Variants in CEP68 observed in about 807,000 individuals in gnomAD.
CEP68 encodes the protein centrosomal protein of 68 kDa.
CEP68 carries 26 observed loss-of-function variants against 55.3 expected under a neutral mutation model. That is an observed-to-expected ratio of 0.47 (90% CI 0.34 to 0.65). CEP68 has a LOEUF of 0.65. Ranked by LOEUF, CEP68 falls within the 30% of genes least tolerant of loss-of-function variation. The probability of loss-of-function intolerance (pLI) is 0.01; values close to 1 mark genes in which losing one functional copy is unlikely to be tolerated. For missense variants in CEP68, 957 were observed against 946.7 expected (o/e 1.01, Z -0.14); for synonymous variants, 402 against 383.2 (o/e 1.05, Z -0.57).
At chr2:65,061,335 C>A (rs1168671040) in intron 1 of CEP68, among the ~76,000 whole-genome samples, 1 of 152,184 alleles carries the variant, frequency 6.6e-6, no homozygotes, top group Non-Finnish European at 1.5e-5. Context: ...CCACAGCCCT[C>A]CCTACCGCAT....
intron 4 of CEP68, among the ~76,000 whole-genome samples, chr2:65,076,151 A>G (rs1410169991): frequency 6.6e-6 from 1 of 151,954 alleles, no homozygotes; most frequent in Non-Finnish European, 1.5e-5. Context: ...AAGGAGAGAA[A>G]GGCTGACTCC....
intron 1 of CEP68, among the ~76,000 whole-genome samples, chr2:65,064,952 T>G (rs1558556333): frequency 6.6e-6 from 1 of 152,204 alleles, no homozygotes; most frequent in East Asian, 1.9e-4. Context: ...TTTGTCACTC[T>G]TCTCTTTGTC....
chr2:65,069,291 C>A, intron 1 of CEP68, 108 bp from the exon 2 acceptor site: 1 of 647,386 alleles, frequency 1.5e-6, no homozygotes, highest in East Asian at 2.6e-5. Flanking sequence ...CATTTGTTTC[C>A]TTTTTTCTTT....
At chr2:65,064,369 G>T (rs928714401) in intron 1 of CEP68, among the ~76,000 whole-genome samples, 2 of 152,192 alleles carry the variant, frequency 1.3e-5, no homozygotes, top group Non-Finnish European at 2.9e-5. Flanking sequence ...TCTTATTCCA[G>T]CACCTTGTCT....
At chr2:65,060,776 C>T (rs1274314480) in intron 1 of CEP68, among the ~76,000 whole-genome samples, 4 of 152,134 alleles carry the variant, frequency 2.6e-5, no homozygotes, top group African/African-American at 9.7e-5. Flanking sequence ...AGCTTTGTTA[C>T]ACATGGACAC....
chr2:65,082,152 T>G (rs1467471985), intron 5 of CEP68, among the ~76,000 whole-genome samples: 1 of 152,230 alleles, frequency 6.6e-6, no homozygotes, highest in Non-Finnish European at 1.5e-5. Flanking sequence ...CATCTGAACC[T>G]TGGCATGTCG....
intron 2 of CEP68, chr2:65,070,748 G>C (rs1233453941): frequency 6.6e-6 from 1 of 152,148 alleles, no homozygotes; most frequent in South Asian, 2.1e-4. Context: ...CCTGTTGTTC[G>C]TTAAGCTCTT....
At chr2:65,065,448 T>TTGA (rs1463203353) in intron 1 of CEP68, among the ~76,000 whole-genome samples, 1 of 152,228 alleles carries the variant, frequency 6.6e-6, no homozygotes, top group African/African-American at 2.4e-5. Context: ...AAGTCCTCAC[T>TTGA]TGATGTCGTC....
At chr2:65,078,392 T>A (rs1386730715) in intron 5 of CEP68, among the ~76,000 whole-genome samples, 13 of 152,142 alleles carry the variant, frequency 8.5e-5, no homozygotes, top group Admixed American at 8.5e-4. Flanking sequence ...GTGTCCTGCT[T>A]TGGGGAAATA....
chr2:65,083,972 C>G lies in CEP68; in HGVS notation c.*338C>G, dbSNP rs927226374. The stretch of plus-strand genomic sequence containing the variant: ...CTCAAACTATTCCACCTGGTAGGGT[C>G]ATTTACCAAGGGCTGGTAGGAGATT... On this transcript the variant is annotated 3_prime_UTR_variant, in exon 7 of 7. Transcript: ENST00000377990. The G allele has an allele frequency of 1.3e-5, 2 of 152,168 alleles. No homozygotes were observed. The highest frequency in any genetic ancestry group is 4.8e-5 in the African/African-American group (2 of 41,416). The allele number at this position is 152,168 out of a possible 1,614,324, so 9.4% of individuals were successfully genotyped here.
At chr2:65,077,017 G>A (rs746201355) in intron 4 of CEP68, among the ~76,000 whole-genome samples, 60 of 22,332 alleles carry the variant, frequency 2.7e-3, no homozygotes, top group South Asian at 0.026. Flanking sequence ...TTTTTTTTGA[G>A]ACGGAGCCTC....
chr2:65,067,272 C>T (rs139412846), intron 1 of CEP68, among the ~76,000 whole-genome samples: 3 of 150,734 alleles, frequency 2.0e-5, no homozygotes, highest in African/African-American at 7.3e-5. Flanking sequence ...CCCAGCTAGC[C>T]GGGAGGCTGA....
At chr2:65,080,587 G>A (rs1676965256) in intron 5 of CEP68, 1 of 967,490 alleles carries the variant, frequency 1.0e-6, no homozygotes, top group Non-Finnish European at 1.2e-6. Context: ...GGGAGGCCAA[G>A]CGGGCAGATC....
In CEP68 at chr2:65,069,004, TACG is replaced by T. The variant is rs1317128980; in HGVS notation, c.-46-392_-46-390del. Among the ~76,000 whole-genome samples, 3 of 152,238 alleles carry T rather than the reference TACG, an allele frequency of 2.0e-5. No individual in the cohort carries two copies. The East Asian group carries it at 5.8e-4, about 29-fold the overall frequency. ...CTGAGTTGCTTGCTGAGGGGACCGT[TACG>T]ACAACAGAACCACTATGGGCCTGTG... On this transcript the variant is annotated intron_variant, in intron 1 of 6. Coordinates refer to ENST00000377990, the MANE Select transcript of CEP68 (RefSeq NM_015147.3).
At chr2:65,061,583 G>A (rs550566886) in intron 1 of CEP68, among the ~76,000 whole-genome samples, 39 of 152,244 alleles carry the variant, frequency 2.6e-4, no homozygotes, top group Non-Finnish European at 5.3e-4. Flanking sequence ...CAGAGAAGGG[G>A]GACAAAGTGC....
intron 3 of CEP68, chr2:65,073,331 T>A (rs1676593731): frequency 2.8e-6 from 1 of 355,740 alleles, no homozygotes; most frequent in East Asian, 7.3e-5. Flanking sequence ...AAAGGTTTTG[T>A]GCACAGATGC....
chr2:65,073,188 G>A (rs1366363226), intron 3 of CEP68: 3 of 666,604 alleles, frequency 4.5e-6, no homozygotes, highest in African/African-American at 1.8e-5. Context: ...AGCAGAGAGA[G>A]GTTAGGTAAC....
intron 1 of CEP68, among the ~76,000 whole-genome samples, chr2:65,062,772 G>A (rs1321991539): frequency 6.6e-6 from 1 of 152,124 alleles, no homozygotes; most frequent in East Asian, 1.9e-4. Context: ...GGGAGGCAGA[G>A]GTTGTAGTGA....
intron 1 of CEP68, among the ~76,000 whole-genome samples, chr2:65,063,484 C>T (rs1387472244): frequency 1.3e-5 from 2 of 152,222 alleles, no homozygotes; most frequent in Non-Finnish European, 2.9e-5. Flanking sequence ...GGAGGCCCCA[C>T]ATTAGGAAAT....
Sources: allele counts gnomAD v4.1 joint callset (sites outside exome capture counted in the v4.1 genomes callset), GRCh38; gene constraint gnomAD v4.1.1; transcripts MANE v1.5; gene names NCBI Gene and HGNC (gene_info 2026-07-23, HGNC 2026-07-21).